Variants in TMEM117 observed in about 807,000 individuals in gnomAD.
TMEM117 encodes the protein transmembrane protein 117.
A neutral mutation model predicts 52.4 loss-of-function variants in TMEM117; 27 were observed. That is an observed-to-expected ratio of 0.51 (90% confidence interval 0.38 to 0.71). TMEM117 has a LOEUF of 0.71. TMEM117 is among the 30% of genes least tolerant of loss of function. TMEM117 has a pLI of 0.00. For missense variants in TMEM117, 556 were observed against 630.5 expected (o/e 0.88, Z 1.26); for synonymous variants, 215 against 206.3 (o/e 1.04, Z -0.36).
chr12:43,891,404 A>G (rs1731421), intron 2 of TMEM117, among the ~76,000 whole-genome samples: 95,925 of 121,666 alleles, frequency 0.79, 39,343 homozygotes, highest in Non-Finnish European at 0.9. Context: ...ATGGAGTCTC[A>G]CCCTGTCACC....
At chr12:44,083,081 A>G (rs982821198) in intron 3 of TMEM117, among the ~76,000 whole-genome samples, 1 of 152,018 alleles carries the variant, frequency 6.6e-6, no homozygotes, top group Non-Finnish European at 1.5e-5. Context: ...CTATCGGTGG[A>G]TATTTGGACC....
At chr12:44,392,004 C>T (rs1054558620), downstream of TMEM117, among the ~76,000 whole-genome samples, 6 of 152,154 alleles carry the variant, frequency 3.9e-5, no homozygotes, top group African/African-American at 1.2e-4. Context: ...ATTAATTCTG[C>T]AGCAGATAAA....
At chr12:43,945,528 G>A (rs1258607784) in intron 3 of TMEM117, among the ~76,000 whole-genome samples, 1 of 152,094 alleles carries the variant, frequency 6.6e-6, no homozygotes, top group African/African-American at 2.4e-5. Context: ...TCACCATGTT[G>A]GTTCGTCTGG....
chr12:43,875,427 T>C (rs1592325334), intron 2 of TMEM117, among the ~76,000 whole-genome samples: 2 of 152,208 alleles, frequency 1.3e-5, no homozygotes, highest in Admixed American at 1.3e-4. Context: ...TTTTATTTTT[T>C]TGAGATACCT....
intron 4 of TMEM117, among the ~76,000 whole-genome samples, chr12:44,202,112 G>A (rs945117210): frequency 6.6e-6 from 1 of 151,724 alleles, no homozygotes; most frequent in African/African-American, 2.4e-5. Flanking sequence ...AATAAAATAG[G>A]GTAGTGAAGG....
At chr12:44,024,830 AT>A (rs1206831994) in intron 3 of TMEM117, among the ~76,000 whole-genome samples, 32 of 152,300 alleles carry the variant, frequency 2.1e-4, no homozygotes, top group African/African-American at 7.7e-4. Flanking sequence ...ATGTGTATAT[AT>A]GTATATCTAC....
chr12:44,285,840 A>G (rs1950632056), intron 5 of TMEM117, among the ~76,000 whole-genome samples: 1 of 152,162 alleles, frequency 6.6e-6, no homozygotes, highest in Admixed American at 6.6e-5. Context: ...GAATGTTTGA[A>G]CTGGTTCTTG....
chr12:43,872,492 A>G (rs542575740), intron 2 of TMEM117, among the ~76,000 whole-genome samples: 1 of 152,324 alleles, frequency 6.6e-6, no homozygotes, highest in South Asian at 2.1e-4. Context: ...TTGGGCATCT[A>G]ATTTGCTCAT....
chr12:43,977,760 A>G (rs1592409468), intron 3 of TMEM117, among the ~76,000 whole-genome samples: 1 of 152,028 alleles, frequency 6.6e-6, no homozygotes, highest in Non-Finnish European at 1.5e-5. Flanking sequence ...ATGTGGCAAA[A>G]TAGTTGAAAT....
chr12:44,379,153 GGGAAGAAAGGAAGGAGGGAGGGAAGGAA>G, intron 7 of TMEM117, among the ~76,000 whole-genome samples: 1 of 151,084 alleles, frequency 6.6e-6, no homozygotes, highest in Non-Finnish European at 1.5e-5. Flanking sequence ...AGAGGAGGGA[GGGAAGAAAGGAAGGAGGGAGGGAAGGAA>G]GGAAGAAAGG....
chr12:44,255,775 A>C (rs563490606), intron 5 of TMEM117, among the ~76,000 whole-genome samples: 1 of 152,204 alleles, frequency 6.6e-6, no homozygotes, highest in South Asian at 2.1e-4. Context: ...CAACCACTGC[A>C]TTACTGGAGG....
the TMEM117 span, among the ~76,000 whole-genome samples, chr12:43,825,792 G>A: frequency 6.6e-6 from 1 of 152,128 alleles, no homozygotes; most frequent in Non-Finnish European, 1.5e-5. Flanking sequence ...AGTAGGTAGG[G>A]TTCTGGAATT....
intron 4 of TMEM117, among the ~76,000 whole-genome samples, chr12:44,186,565 A>T (rs950361136): frequency 6.6e-6 from 1 of 152,110 alleles, no homozygotes; most frequent in African/African-American, 2.4e-5. Context: ...AATGAGAATG[A>T]TTTACTCTCA....
At chr12:44,376,203 T>G (rs1951938891) in intron 6 of TMEM117, among the ~76,000 whole-genome samples, 1 of 152,188 alleles carries the variant, frequency 6.6e-6, no homozygotes, top group African/African-American at 2.4e-5. Flanking sequence ...TGCTATAAGG[T>G]TCATACTTTT....
intron 5 of TMEM117, among the ~76,000 whole-genome samples, chr12:44,285,635 T>G (rs563899650): frequency 6.6e-6 from 1 of 152,334 alleles, no homozygotes; most frequent in African/African-American, 2.4e-5. Context: ...GTTGACCTCA[T>G]CAGCTGGGCT....
rs531696750 is a variant in TMEM117 at position 44,107,809 on chromosome 12, T to C, written c.411-35716T>C. ...CAACTTTGTTTTCTTTGTGGACAGATGGCAAAAATTATATCCACAAAACTT... is the reference window on the plus strand; with the variant it reads ...CAACTTTGTTTTCTTTGTGGACAGACGGCAAAAATTATATCCACAAAACTT... On this transcript the variant is annotated intron_variant, in intron 3 of 7. Transcript: ENST00000266534. 9.9e-5 allele frequency among the ~76,000 whole-genome samples: 15 copies of C among 152,270 alleles called. No individual in the cohort carries two copies. The East Asian group carries it at 2.5e-3, about 26-fold the overall frequency.
At chr12:44,350,708 A>C (rs1592711022) in intron 6 of TMEM117, among the ~76,000 whole-genome samples, 1 of 151,926 alleles carries the variant, frequency 6.6e-6, no homozygotes, top group Non-Finnish European at 1.5e-5. Flanking sequence ...TCATTGTTTT[A>C]TGGCTGAAGA....
At chr12:43,856,622 CTTTT>C (rs768831483) in intron 2 of TMEM117, among the ~76,000 whole-genome samples, 1 of 152,160 alleles carries the variant, frequency 6.6e-6, no homozygotes. Context: ...AGTATATACT[CTTTT>C]TTGTCAGGCT....
intron 4 of TMEM117, among the ~76,000 whole-genome samples, chr12:44,209,177 A>G (rs1006600288): frequency 1.3e-5 from 2 of 152,160 alleles, no homozygotes; most frequent in Non-Finnish European, 2.9e-5. Flanking sequence ...CTTCCTCTAG[A>G]GAAGTTACGA....
Sources: allele counts gnomAD v4.1 joint callset (sites outside exome capture counted in the v4.1 genomes callset), GRCh38; gene constraint gnomAD v4.1.1; transcripts MANE v1.5; gene names NCBI Gene and HGNC (gene_info 2026-07-23, HGNC 2026-07-21).